The following P2RY8 variants were observed in gnomAD, a reference collection of about 807,000 sequenced individuals.
The protein encoded by P2RY8 is P2Y receptor family member 8, also known as S-geranylgeranyl-glutathione receptor P2RY8.
P2RY8 carries 6 observed loss-of-function variants against 10.0 expected under a neutral mutation model. The ratio of observed to expected loss-of-function variants is 0.60; its 90% CI spans 0.33 to 1.19. The LOEUF (loss-of-function observed/expected upper bound fraction) is 1.19. Ranked by LOEUF, P2RY8 falls within the 50% of genes most tolerant of loss-of-function variation. The probability of loss-of-function intolerance (pLI) is 0.04; values close to 1 mark genes in which losing one functional copy is unlikely to be tolerated. For missense variants in P2RY8, 456 were observed against 542.0 expected (o/e 0.84, Z 1.58); for synonymous variants, 276 against 252.5 (o/e 1.09, Z -0.88).
intron 1 of P2RY8, among the ~76,000 whole-genome samples, chrX:1,478,509 C>A (rs1457189095): frequency 6.6e-6 from 1 of 151,858 alleles, no homozygotes; most frequent in Non-Finnish European, 1.5e-5. Context: ...GACAGAGTCT[C>A]GCTCTGTTGT....
intron 1 of P2RY8, among the ~76,000 whole-genome samples, chrX:1,498,346 C>T (rs1277011566): frequency 7.3e-6 from 1 of 136,960 alleles, no homozygotes; most frequent in Non-Finnish European, 1.5e-5. Context: ...GCGGAGCTTG[C>T]AGTGAGCCGA....
intron 1 of P2RY8, among the ~76,000 whole-genome samples, chrX:1,469,979 C>T (rs2091763346): frequency 6.6e-6 from 1 of 152,114 alleles, no homozygotes; most frequent in Non-Finnish European, 1.5e-5. Context: ...TTCACTCATT[C>T]ATACAGTTCA....
At chrX:1,499,936 G>C (rs1266526124) in intron 1 of P2RY8, among the ~76,000 whole-genome samples, 2 of 150,704 alleles carry the variant, frequency 1.3e-5, no homozygotes, top group African/African-American at 4.8e-5. Context: ...TCAGCTCACT[G>C]CAAGCTCCGC....
In P2RY8 at chrX:1,519,281, C is replaced by G. The variant is rs1870591266; in HGVS notation, c.-25+17640G>C. On this transcript the variant is annotated intron_variant, in intron 1 of 1. Transcript: ENST00000381297. ...TCTCTGGTCCCTAATAATCTCCCTG[C>G]TCCCCAATATTCTCTCCGATCTCCA... 2.0e-5 allele frequency among the ~76,000 whole-genome samples: 3 copies of G among 151,484 alleles called. No homozygotes were observed. In the South Asian group the frequency reaches 6.3e-4, roughly 32 times the overall value.
intron 1 of P2RY8, among the ~76,000 whole-genome samples, chrX:1,533,905 T>A (rs1250990923): frequency 1.6e-5 from 2 of 122,966 alleles, no homozygotes; most frequent in East Asian, 5.7e-4. Context: ...ATATATGTAT[T>A]ATTTAAATAT....
At chrX:1,533,888 T>C (rs1350335979) in intron 1 of P2RY8, among the ~76,000 whole-genome samples, 2 of 122,746 alleles carry the variant, frequency 1.6e-5, no homozygotes, top group East Asian at 5.5e-4. Context: ...TTATATATTA[T>C]ATACTTATAT....
chrX:1,488,997 G>A (rs1418324240), intron 1 of P2RY8, among the ~76,000 whole-genome samples: 1 of 149,574 alleles, frequency 6.7e-6, no homozygotes, highest in East Asian at 2.0e-4. Context: ...GGAATGAATG[G>A]ATGATACCTA....
chrX:1,513,430 C>T (rs1470559477), intron 1 of P2RY8, among the ~76,000 whole-genome samples: 4 of 152,176 alleles, frequency 2.6e-5, no homozygotes, highest in South Asian at 2.1e-4. Flanking sequence ...GGGAGGATCC[C>T]TCCTGCCTCT....
chrX:1,512,928 A>G (rs4625214), intron 1 of P2RY8, among the ~76,000 whole-genome samples: 138,812 of 151,740 alleles, frequency 0.91, 64,799 homozygotes, highest in East Asian at 1. Flanking sequence ...AGGTATCCGT[A>G]TGCCATGGTG....
chrX:1,492,879 C>A (rs6644717), intron 1 of P2RY8, among the ~76,000 whole-genome samples: 38,786 of 151,714 alleles, frequency 0.26, 5,009 homozygotes, highest in Middle Eastern at 0.43. Context: ...TCAAGGCTAA[C>A]GAGCAGCACT....
chrX:1,523,565 A>G lies in P2RY8; in HGVS notation c.-25+13356T>C, dbSNP rs1480591609. 6.6e-5 allele frequency among the ~76,000 whole-genome samples: 10 copies of G among 152,212 alleles called. No individual in the cohort carries two copies. The East Asian group carries it at 1.5e-3, about 23-fold the overall frequency. On this transcript the variant is annotated intron_variant, in intron 1 of 1. Transcript: ENST00000381297. The stretch of plus-strand genomic sequence containing the variant: ...GAAGTGGGAGCGATTGCAAATAGGT[A>G]CAGGTCTCCTTCTGAGCGTCATAAA...
At chrX:1,535,210 C>T (rs1181437111) in intron 1 of P2RY8, among the ~76,000 whole-genome samples, 1 of 39,204 alleles carries the variant, frequency 2.6e-5, no homozygotes. Context: ...TTTTTTGAGA[C>T]AGAGTCTCAC....
In P2RY8 at chrX:1,520,624, G is replaced by C. The variant is rs773728095; in HGVS notation, c.-25+16297C>G. On this transcript the variant is annotated intron_variant, in intron 1 of 1. Transcript: ENST00000381297. ...TTCTCTGGTCCCCAATCCTCTCCCT[G>C]ATCCCCAATAATCTCTCTGATCCCA... is the stretch of plus-strand genomic sequence containing the variant. 5.9e-4 allele frequency among the ~76,000 whole-genome samples: 90 copies of C among 151,430 alleles called. 2 individuals carry two copies. Among genetic ancestry groups the C allele is most frequent in the African/African-American group, 2.1e-3 (87 of 41,214 alleles).
intron 1 of P2RY8, among the ~76,000 whole-genome samples, chrX:1,535,751 A>AC (rs1250974317): frequency 6.6e-5 from 10 of 151,448 alleles, no homozygotes; most frequent in African/African-American, 2.4e-4. Context: ...ACACACACAC[A>AC]AACCCTTTTC....
At chrX:1,520,572 T>C (rs1242036693) in intron 1 of P2RY8, among the ~76,000 whole-genome samples, 1 of 149,678 alleles carries the variant, frequency 6.7e-6, no homozygotes, top group African/African-American at 2.5e-5. Flanking sequence ...TCTCCGATCC[T>C]CAATTATCTC....
At chrX:1,470,655 C>T (rs2091773038) in intron 1 of P2RY8, among the ~76,000 whole-genome samples, 1 of 152,058 alleles carries the variant, frequency 6.6e-6, no homozygotes. Context: ...GAATAAAATT[C>T]TACAATATGT....
intron 1 of P2RY8, among the ~76,000 whole-genome samples, chrX:1,496,542 T>C (rs1178830506): frequency 2.6e-5 from 4 of 152,064 alleles, no homozygotes; most frequent in Admixed American, 2.6e-4. Flanking sequence ...TTGGAGCCTC[T>C]GTCCTCTACT....
At chrX:1,524,841 C>T (rs867268505) in intron 1 of P2RY8, among the ~76,000 whole-genome samples, 2 of 110,734 alleles carry the variant, frequency 1.8e-5, no homozygotes, top group Non-Finnish European at 4.2e-5. Context: ...ATCCATCCAT[C>T]CATCCATCCA....
intron 1 of P2RY8, among the ~76,000 whole-genome samples, chrX:1,536,093 G>T (rs1390123071): frequency 3.0e-4 from 46 of 152,078 alleles, no homozygotes; most frequent in African/African-American, 1.0e-3. Flanking sequence ...GGAACGCTAA[G>T]CATTTGGGAG....
Sources: gnomAD v4.1 joint callset for allele counts (sites outside exome capture counted in the v4.1 genomes callset) on GRCh38, gnomAD v4.1.1 for gene constraint, MANE v1.5 for transcripts, NCBI Gene and HGNC (gene_info 2026-07-23, HGNC 2026-07-21) for gene names.